The following CMSS1 variants were observed in gnomAD, a reference collection of about 807,000 sequenced individuals.
The protein encoded by CMSS1 is cms1 ribosomal small subunit homolog.
CMSS1 carries 33 observed loss-of-function variants against 43.5 expected under a neutral mutation model. The observed-to-expected ratio is 0.76, with a 90% CI of 0.57 to 1.01. CMSS1 has a LOEUF of 1.01. Among genes scored for constraint, CMSS1 ranks in the 50% least tolerant of loss-of-function variants. CMSS1 has a pLI of 0.00. For synonymous variants in CMSS1, 115 were observed against 117.2 expected (o/e 0.98, Z 0.12); for missense variants, 313 against 326.4 (o/e 0.96, Z 0.32).
chr3:99,934,389 A>G (rs1224035066), intron 1 of CMSS1, among the ~76,000 whole-genome samples: 1 of 152,208 alleles, frequency 6.6e-6, no homozygotes, highest in African/African-American at 2.4e-5. Flanking sequence ...TTGGTTCTTT[A>G]CTTCTTTTCA....
chr3:100,141,837 G>T (rs932171046), intron 1 of CMSS1, among the ~76,000 whole-genome samples: 3 of 152,130 alleles, frequency 2.0e-5, no homozygotes, highest in Non-Finnish European at 4.4e-5. Flanking sequence ...CACTTAACTG[G>T]CTGAATCAAC....
chr3:100,148,939 CG>C (rs1305970660), intron 2 of CMSS1, among the ~76,000 whole-genome samples: 1 of 151,952 alleles, frequency 6.6e-6, no homozygotes, highest in Non-Finnish European at 1.5e-5. Context: ...GTAACACATC[CG>C]TAGCTCTTCA....
rs1942753430 is a variant in CMSS1, at chr3:99,833,176, C to A, written c.64+15133C>A. The A allele has an allele frequency of 3.4e-6, 5 of 1,470,722 alleles. No individual in the cohort carries two copies. In the African/African-American group the frequency reaches 4.2e-5, roughly 12 times the overall value. The allele number at this position is 1,470,722 out of a possible 1,614,324, so 91.1% of individuals were successfully genotyped here. On this transcript the variant is annotated intron_variant, in intron 1 of 9. Transcript: ENST00000421999. ...AAACGATTTTTTAATAAATGCTTAACCCAGTTCAACATGAAGACTGGGATT... is the reference window on the plus strand; with the variant it reads ...AAACGATTTTTTAATAAATGCTTAAACCAGTTCAACATGAAGACTGGGATT...
At chr3:100,164,859 T>G (rs1432157591) in intron 4 of CMSS1, among the ~76,000 whole-genome samples, 1 of 152,220 alleles carries the variant, frequency 6.6e-6, no homozygotes, top group Non-Finnish European at 1.5e-5. Flanking sequence ...GTTGTTTGTG[T>G]CTGTAGGGCA....
chr3:99,910,498 T>C lies in CMSS1; in HGVS notation c.64+92455T>C, dbSNP rs1465837598. Reference sequence around the variant, plus strand: ...AGTAAACAAACACATGTCTTCACAGTTGTTAGGTGCTAGGTGAAGTGGCAG... The same window carrying C: ...AGTAAACAAACACATGTCTTCACAGCTGTTAGGTGCTAGGTGAAGTGGCAG... On this transcript the variant is annotated intron_variant, in intron 1 of 9. Transcript: ENST00000421999. Among the ~76,000 whole-genome samples the C allele has an allele frequency of 1.5e-5, 2 of 136,752 alleles. 1 individual carries two copies. The highest frequency in any genetic ancestry group is 3.3e-5 in the Non-Finnish European group (2 of 59,714). 89.7% of individuals were successfully genotyped at this position (136,752 alleles called of 152,430 possible).
intron 1 of CMSS1, among the ~76,000 whole-genome samples, chr3:100,019,595 G>T (rs2064769436): frequency 6.6e-6 from 1 of 152,092 alleles, no homozygotes; most frequent in Admixed American, 6.6e-5. Flanking sequence ...GACAGTAGTA[G>T]ATACTTTTTT....
At position 100,000,392 on chromosome 3, in the gene CMSS1, A is replaced by G. The variant is rs146874134; in HGVS notation, c.65-146581A>G. On this transcript the variant is annotated intron_variant, in intron 1 of 9. Coordinates refer to ENST00000421999, the MANE Select transcript of CMSS1 (RefSeq NM_032359.4). ...CCTCCTACTAAATGAGGAATATCAT[A>G]TATTTATTGGCAGCTGCTGTTGTGT... 4.7e-3 allele frequency among the ~76,000 whole-genome samples: 714 copies of G among 152,252 alleles called. 2 individuals carry two copies. Among genetic ancestry groups the G allele is most frequent in the South Asian group, 7.1e-3 (34 of 4,822 alleles).
chr3:99,957,874 T>G (rs1340594040), intron 1 of CMSS1, among the ~76,000 whole-genome samples: 1 of 151,046 alleles, frequency 6.6e-6, no homozygotes, highest in African/African-American at 2.4e-5. Flanking sequence ...TAATAACAGC[T>G]GAAATGTCAT....
At chr3:100,153,369 T>C (rs937943982) in intron 2 of CMSS1, among the ~76,000 whole-genome samples, 1 of 152,250 alleles carries the variant, frequency 6.6e-6, no homozygotes, top group African/African-American at 2.4e-5. Context: ...CATGTCAGTG[T>C]ATAGTATTTC....
rs150246297 is a variant in CMSS1 at position 99,994,819 on chromosome 3, A to G, written c.65-152154A>G. ...AAAAGCAGAAACTCCTGATAAAACC[A>G]TCAGATCTCATGAGACTTATTCACT... On this transcript the variant is annotated intron_variant, in intron 1 of 9. Transcript: ENST00000421999. Among the ~76,000 whole-genome samples the G allele has an allele frequency of 2.4e-3, 364 of 152,298 alleles. 1 individual carries two copies. Among genetic ancestry groups the G allele is most frequent in the African/African-American group, 8.2e-3 (343 of 41,576 alleles).
chr3:100,172,655 A>G (rs568840830), intron 8 of CMSS1, among the ~76,000 whole-genome samples: 13 of 152,318 alleles, frequency 8.5e-5, no homozygotes, highest in African/African-American at 3.1e-4. Context: ...TAAGCAGGTT[A>G]GTGGTTCCAC....
chr3:99,849,846 G>A (rs1231601297), intron 1 of CMSS1: 1 of 1,610,722 alleles, frequency 6.2e-7, no homozygotes, highest in Non-Finnish European at 8.5e-7. Context: ...ATTTCCCAGA[G>A]TCTTGATTTA....
intron 6 of CMSS1, 39 bp from the exon 7 acceptor site, chr3:100,171,800 G>C (rs552090250): frequency 6.4e-7 from 1 of 1,569,358 alleles, no homozygotes; most frequent in Admixed American, 1.7e-5. Context: ...CCTAGAATGA[G>C]TTGGTTTTCT....
At chr3:99,879,286 C>CAT (rs1286173281) in intron 1 of CMSS1, among the ~76,000 whole-genome samples, 1 of 152,130 alleles carries the variant, frequency 6.6e-6, no homozygotes, top group Non-Finnish European at 1.5e-5. Flanking sequence ...TAGATTTAGC[C>CAT]ATATTATATT....
At chr3:99,837,377 G>A (rs1451638917) in intron 1 of CMSS1, among the ~76,000 whole-genome samples, 1 of 147,994 alleles carries the variant, frequency 6.8e-6, no homozygotes, top group Non-Finnish European at 1.5e-5. Context: ...ATTCAGGCAA[G>A]AACACCATGA....
intron 1 of CMSS1, among the ~76,000 whole-genome samples, chr3:99,852,568 C>G (rs1324427896): frequency 6.6e-6 from 1 of 152,066 alleles, no homozygotes. Context: ...GTCTCAGCCT[C>G]CCGAGTAGCT....
intron 1 of CMSS1, among the ~76,000 whole-genome samples, chr3:100,080,136 T>TA (rs1317787827): frequency 4.6e-5 from 7 of 152,046 alleles, no homozygotes; most frequent in Admixed American, 2.0e-4. Flanking sequence ...CTTTAATTAA[T>TA]AAAAAATTAA....
At chr3:100,067,489 A>G (rs2065686933) in intron 1 of CMSS1, among the ~76,000 whole-genome samples, 1 of 152,186 alleles carries the variant, frequency 6.6e-6, no homozygotes, top group African/African-American at 2.4e-5. Context: ...GAGGATAGTG[A>G]GTGTTTTTCA....
intron 1 of CMSS1, among the ~76,000 whole-genome samples, chr3:99,903,769 A>G (rs1016628537): frequency 7.2e-5 from 11 of 152,122 alleles, no homozygotes; most frequent in Non-Finnish European, 1.3e-4. Context: ...CGTGGCCCCC[A>G]AAAAAGTGTG....
Sources: gnomAD v4.1 joint callset for allele counts (sites outside exome capture counted in the v4.1 genomes callset) on GRCh38, gnomAD v4.1.1 for gene constraint, MANE v1.5 for transcripts, NCBI Gene and HGNC (gene_info 2026-07-23, HGNC 2026-07-21) for gene names.